The following ABCA10 variants were observed in gnomAD, a reference collection of about 807,000 sequenced individuals.
ABCA10 encodes ATP-binding cassette sub-family A member 10.
ABCA10 carries 169 observed loss-of-function variants against 187.5 expected under a neutral mutation model. The ratio of observed to expected loss-of-function variants is 0.90; its 90% CI spans 0.80 to 1.02. The LOEUF (loss-of-function observed/expected upper bound fraction) is 1.02, where lower values mean the gene tolerates loss of function less well. Ranked by LOEUF, ABCA10 falls within the 50% of genes least tolerant of loss-of-function variation. ABCA10 has a pLI of 0.00. For missense variants in ABCA10, 1,727 were observed against 1,812.4 expected (o/e 0.95, Z 0.86); for synonymous variants, 574 against 601.8 (o/e 0.95, Z 0.68).
Position 69,185,563 on chromosome 17 carries a change from C to T in ABCA10, c.2411G>A (p.Trp804Ter). The change falls in exon 20 of 39, where the codon TGG becomes TAG. Residue 804 changes from tryptophan to a stop codon, truncating the protein, a stop_gained. Coordinates refer to ENST00000690296, the MANE Select transcript of ABCA10 (RefSeq NM_001377321.1). LOFTEE classifies it high-confidence loss of function. ...MYKVTRETHC[W>*]EFSPSMYFLS... The stretch of plus-strand genomic sequence containing the variant: ...GAAATACATACTGGGTGAAAACTCC[C>T]AACAATGAGTTTCACGAGTTACTTT... The T allele has an allele frequency of 6.2e-7, 1 of 1,612,798 alleles. No homozygotes were observed. Among genetic ancestry groups the T allele is most frequent in the Non-Finnish European group, 8.5e-7 (1 of 1,179,040 alleles).
At chr17:69,181,939 C>T (rs2074383179) in intron 22 of ABCA10, among the ~76,000 whole-genome samples, 1 of 151,638 alleles carries the variant, frequency 6.6e-6, no homozygotes, top group South Asian at 2.1e-4. Context: ...GTTCTAGGTA[C>T]TCAGTAAATT....
chr17:69,150,810 C>G (rs2074121822), intron 36 of ABCA10, among the ~76,000 whole-genome samples: 2 of 152,202 alleles, frequency 1.3e-5, no homozygotes, highest in Non-Finnish European at 2.9e-5. Flanking sequence ...GACTACCATC[C>G]TGGACAGCAC....
chr17:69,189,740 G>A (rs1218749035), intron 18 of ABCA10, among the ~76,000 whole-genome samples: 2 of 152,098 alleles, frequency 1.3e-5, no homozygotes, highest in African/African-American at 2.4e-5. Context: ...TTCTGCCTGT[G>A]GCTAGCCAGT....
chr17:69,181,332 C>T (rs1227410180), intron 22 of ABCA10, among the ~76,000 whole-genome samples: 1 of 152,082 alleles, frequency 6.6e-6, no homozygotes, highest in African/African-American at 2.4e-5. Flanking sequence ...GCATTGAGTA[C>T]CTAGTAAGTT....
intron 6 of ABCA10, among the ~76,000 whole-genome samples, chr17:69,217,406 G>A (rs2074714529): frequency 6.6e-6 from 1 of 152,092 alleles, no homozygotes; most frequent in South Asian, 2.1e-4. Flanking sequence ...ATATACCACT[G>A]AGCATTTTTC....
chr17:69,217,618 A>C (rs1023060548), intron 6 of ABCA10, among the ~76,000 whole-genome samples: 2 of 152,236 alleles, frequency 1.3e-5, no homozygotes, highest in African/African-American at 4.8e-5. Flanking sequence ...AATTTGGCAT[A>C]CTTGAGCCTT....
At chr17:69,194,552 C>A in intron 11 of ABCA10, 57 bp from the exon 12 acceptor site, 2 of 1,293,916 alleles carry the variant, frequency 1.5e-6, no homozygotes, top group African/African-American at 1.5e-5. Flanking sequence ...ATGGAATGGA[C>A]CTTAAAATTG....
chr17:69,237,875 G>A (rs911285676), intron 1 of ABCA10, among the ~76,000 whole-genome samples: 1 of 152,100 alleles, frequency 6.6e-6, no homozygotes, highest in African/African-American at 2.4e-5. Flanking sequence ...AGAATTTCCA[G>A]CAACTGGCCG....
chr17:69,208,230 A>C (rs374757537), intron 9 of ABCA10, among the ~76,000 whole-genome samples: 93 of 152,040 alleles, frequency 6.1e-4, no homozygotes, highest in African/African-American at 2.2e-3. Flanking sequence ...ATCCTGGCTA[A>C]CACGGTGAAA....
At position 69,156,935 on chromosome 17, in the gene ABCA10, G is replaced by C; in HGVS notation, c.3364-12C>G. 2.0e-6 allele frequency: 3 copies of C among 1,511,112 alleles called. No homozygotes were observed. Among genetic ancestry groups the C allele is most frequent in the South Asian group, 1.2e-5 (1 of 80,382 alleles). 93.6% of individuals were successfully genotyped at this position (1,511,112 alleles called of 1,614,324 possible). ...CTCTGAAGGTATGGCTAAAAGAAAA[G>C]AAAAATAATCAGAATTAGCATCACC... is the stretch of plus-strand genomic sequence containing the variant. On this transcript the variant is annotated splice_polypyrimidine_tract_variant and intron_variant, in intron 27 of 38. Transcript: ENST00000690296.
At chr17:69,234,416 G>T (rs2074851480) in intron 1 of ABCA10, 1 of 152,258 alleles carries the variant, frequency 6.6e-6, no homozygotes, top group Admixed American at 6.5e-5. Flanking sequence ...CTTGGCAGAT[G>T]GTTTTGGTTG....
exon 1 of ABCA10, chr17:69,244,584 T>G (rs1318461765): frequency 6.6e-6 from 1 of 151,816 alleles, no homozygotes; most frequent in South Asian, 2.1e-4. Context: ...TCTTTCATTT[T>G]AGGAAATAAG....
At chr17:69,184,054 C>CTG (rs1245813875) in intron 20 of ABCA10, among the ~76,000 whole-genome samples, 1 of 152,080 alleles carries the variant, frequency 6.6e-6, no homozygotes, top group African/African-American at 2.4e-5. Context: ...ACTTTGCGGG[C>CTG]TGTGTGGGAA....
chr17:69,193,811 T>C lies in ABCA10; in HGVS notation c.1521+3A>G. The C allele has an allele frequency of 6.2e-7, 1 of 1,612,826 alleles. No individual in the cohort carries two copies. On this transcript the variant is annotated splice_donor_region_variant and intron_variant, in intron 13 of 38. Coordinates refer to ENST00000690296, the MANE Select transcript of ABCA10 (RefSeq NM_001377321.1). ...AGCCATCAATCTTAATGTGTTCCTG[T>C]ACCTCTTGTTCCACTTCCTTTGGCT...
chr17:69,201,989 G>T (rs1290226090), intron 9 of ABCA10, among the ~76,000 whole-genome samples: 3 of 152,090 alleles, frequency 2.0e-5, no homozygotes, highest in African/African-American at 7.2e-5. Context: ...CACCATGCTG[G>T]CCAGGCTGGT....
intron 27 of ABCA10, among the ~76,000 whole-genome samples, chr17:69,160,258 T>C (rs2074205482): frequency 6.6e-6 from 1 of 152,174 alleles, no homozygotes; most frequent in Non-Finnish European, 1.5e-5. Context: ...TCAGAATATA[T>C]TTTTAAAACT....
At chr17:69,174,926 A>C in intron 23 of ABCA10, 149 bp from the exon 24 acceptor site, 1 of 620,616 alleles carries the variant, frequency 1.6e-6, no homozygotes, top group Non-Finnish European at 2.5e-6. Flanking sequence ...TAGCATCTCC[A>C]ATGGAAATGT....
At chr17:69,214,681 C>A in intron 9 of ABCA10, 23 bp downstream of exon 9, 1 of 1,438,286 alleles carries the variant, frequency 7.0e-7, no homozygotes, top group Admixed American at 2.8e-5. Context: ...TTAAATTTAA[C>A]TTTAACCACA....
chr17:69,211,080 A>G (rs988581281), intron 9 of ABCA10, among the ~76,000 whole-genome samples: 4 of 150,740 alleles, frequency 2.7e-5, no homozygotes, highest in African/African-American at 4.9e-5. Flanking sequence ...AGATTCCTTA[A>G]AGAGCTAAAA....
Sources: gnomAD v4.1 joint callset for allele counts (sites outside exome capture counted in the v4.1 genomes callset) on GRCh38, gnomAD v4.1.1 for gene constraint, MANE v1.5 for transcripts, NCBI Gene and HGNC (gene_info 2026-07-23, HGNC 2026-07-21) for gene names.